The following KAZN variants were observed in gnomAD, a reference collection of about 807,000 sequenced individuals.
KAZN encodes the protein kazrin.
Under a neutral mutation model 87.4 loss-of-function variants are expected in KAZN, and 40 were observed. The ratio of observed to expected loss-of-function variants is 0.46; its 90% CI spans 0.36 to 0.60. The LOEUF (loss-of-function observed/expected upper bound fraction) is 0.60. Among genes scored for constraint, KAZN ranks in the 20% least tolerant of loss-of-function variants. KAZN has a pLI of 0.00. For synonymous variants in KAZN, 466 were observed against 458.3 expected (o/e 1.02, Z -0.22); for missense variants, 898 against 1,073.9 (o/e 0.84, Z 2.29).
At chr1:14,365,787 T>C (rs1300907430) in intron 2 of KAZN, among the ~76,000 whole-genome samples, 1 of 152,218 alleles carries the variant, frequency 6.6e-6, no homozygotes, top group Non-Finnish European at 1.5e-5. Flanking sequence ...AAATAATACT[T>C]TCTAGACTAA....
intron 2 of KAZN, among the ~76,000 whole-genome samples, chr1:14,397,861 C>CAAAAAAAA (rs761120479): frequency 2.5e-5 from 1 of 40,646 alleles, no homozygotes; most frequent in Non-Finnish European, 5.4e-5. Flanking sequence ...AACTCCATCT[C>CAAAAAAAA]AAAAAAAAAA....
intron 1 of KAZN, among the ~76,000 whole-genome samples, chr1:14,604,305 G>A (rs1677195322): frequency 6.6e-6 from 1 of 152,112 alleles, no homozygotes; most frequent in African/African-American, 2.4e-5. Flanking sequence ...AAGCCAACAG[G>A]GTGGCCATCC....
intron 2 of KAZN, among the ~76,000 whole-genome samples, chr1:14,259,824 G>C (rs1220508849): frequency 6.6e-6 from 1 of 152,170 alleles, no homozygotes; most frequent in East Asian, 1.9e-4. Flanking sequence ...TTTACTTTGT[G>C]ACAGTGACTT....
At chr1:14,156,512 G>A (rs1645596282) in intron 1 of KAZN, among the ~76,000 whole-genome samples, 1 of 152,068 alleles carries the variant, frequency 6.6e-6, no homozygotes, top group Admixed American at 6.6e-5. Flanking sequence ...ATATATCTGG[G>A]TCCTCCAGTG....
At chr1:13,992,851 C>T (rs1033229638) in intron 1 of KAZN, among the ~76,000 whole-genome samples, 5 of 152,064 alleles carry the variant, frequency 3.3e-5, no homozygotes, top group African/African-American at 1.2e-4. Flanking sequence ...TCAGAATTGG[C>T]CAAATGTGGT....
intron 1 of KAZN, among the ~76,000 whole-genome samples, chr1:14,857,537 A>ATAAG (rs1650280294): frequency 6.6e-6 from 1 of 151,746 alleles, no homozygotes; most frequent in African/African-American, 2.4e-5. Context: ...ACTCTCACAA[A>ATAAG]TAAATAAATA....
At chr1:14,662,742 G>C (rs1639264166) in intron 1 of KAZN, among the ~76,000 whole-genome samples, 1 of 151,448 alleles carries the variant, frequency 6.6e-6, no homozygotes, top group Non-Finnish European at 1.5e-5. Flanking sequence ...TTGGGGAAGG[G>C]AGGGAGGCAA....
At chr1:14,800,891 G>C (rs1213804647) in intron 1 of KAZN, among the ~76,000 whole-genome samples, 1 of 152,024 alleles carries the variant, frequency 6.6e-6, no homozygotes, top group Non-Finnish European at 1.5e-5. Flanking sequence ...GAGGGGAAGT[G>C]GGGAGTGACT....
At chr1:14,966,432 G>C (rs1664462583) in intron 2 of KAZN, among the ~76,000 whole-genome samples, 1 of 152,158 alleles carries the variant, frequency 6.6e-6, no homozygotes, top group African/African-American at 2.4e-5. Context: ...CGTCTGTCTA[G>C]TGTGATTGTT....
At chr1:14,354,010 C>T (rs1214745704) in intron 2 of KAZN, among the ~76,000 whole-genome samples, 2 of 152,124 alleles carry the variant, frequency 1.3e-5, no homozygotes, top group Non-Finnish European at 2.9e-5. Context: ...CTTTCTCTGA[C>T]TTAAAAACTA....
chr1:14,166,130 C>T (rs1645821778), intron 1 of KAZN, among the ~76,000 whole-genome samples: 1 of 152,122 alleles, frequency 6.6e-6, no homozygotes, highest in Admixed American at 6.5e-5. Context: ...GCCTGGCCAA[C>T]GTGGCAAAAC....
rs1434163592 is a variant in KAZN, at chr1:15,021,247, T to G, written c.419-13502T>G. Among the ~76,000 whole-genome samples, 1 of 152,172 alleles carries G rather than the reference T, an allele frequency of 6.6e-6. No homozygotes were observed. On this transcript the variant is annotated intron_variant, in intron 2 of 14. Coordinates refer to ENST00000376030, the MANE Select transcript of KAZN (RefSeq NM_201628.3). This position sits in a 1 kb window ranked among gnomAD's most constrained non-coding sequence, Gnocchi z 4.2. ...ACCGAGCCCAGGCCATTATCTTGCCTGCATACGACCTCACACACCCACACA... is the reference window on the plus strand; with the variant it reads ...ACCGAGCCCAGGCCATTATCTTGCCGGCATACGACCTCACACACCCACACA...
chr1:15,001,292 T>C (rs1449354796), intron 2 of KAZN, among the ~76,000 whole-genome samples: 1 of 142,986 alleles, frequency 7.0e-6, no homozygotes, highest in Non-Finnish European at 1.5e-5. Context: ...CGAAACCCCA[T>C]CTCTACTAAA....
intron 1 of KAZN, among the ~76,000 whole-genome samples, chr1:14,918,707 A>AATATATATATAT (rs201058383): frequency 1.3e-3 from 32 of 24,580 alleles, no homozygotes; most frequent in East Asian, 5.1e-3. Flanking sequence ...AAAAAAAAAA[A>AATATATATATAT]ATATATATAT....
At chr1:14,737,098 CT>C (rs1249903756) in intron 1 of KAZN, among the ~76,000 whole-genome samples, 1 of 152,160 alleles carries the variant, frequency 6.6e-6, no homozygotes. Context: ...AATGTGACAA[CT>C]TTAAGTTGGG....
At chr1:13,894,925 G>A (rs72871361) in intron 1 of KAZN, among the ~76,000 whole-genome samples, 3,585 of 152,256 alleles carry the variant, frequency 0.024, 155 homozygotes, top group African/African-American at 0.082. Flanking sequence ...TGAGGGCTCT[G>A]GAGCTGACTG....
In KAZN at chr1:14,307,984, T is replaced by G. The variant is rs542287475; in HGVS notation, c.249+127392T>G. ...CGCTGAGGATACAACATCATTCTGG[T>G]CTTCCTGCCAAAAATGTGTAACTTG... On this transcript the variant is annotated intron_variant, in intron 2 of 16. Coordinates refer to the KAZN transcript ENST00000636203. Among the ~76,000 whole-genome samples the G allele has an allele frequency of 5.3e-5, 8 of 152,336 alleles. No individual in the cohort carries two copies. In the South Asian group the frequency reaches 1.4e-3, roughly 28 times the overall value.
rs537179588 is a variant in KAZN, at chr1:14,654,427, G to A, written c.226+55204G>A. Among the ~76,000 whole-genome samples, 3 of 152,282 alleles carry A rather than the reference G, an allele frequency of 2.0e-5. No individual in the cohort carries two copies. In the South Asian group the frequency reaches 6.2e-4, roughly 32 times the overall value. ...GCCGCAGGTAGAGAACCCAGAAAGA[G>A]GTCCCTAAATCCCCCCGCTGCCTCT... On this transcript the variant is annotated intron_variant, in intron 1 of 14. Transcript: ENST00000376030.
At chr1:14,655,898 A>G (rs2148705782) in intron 1 of KAZN, among the ~76,000 whole-genome samples, 1 of 152,236 alleles carries the variant, frequency 6.6e-6, no homozygotes, top group East Asian at 1.9e-4. Context: ...CTGGGGGCTT[A>G]CATACAGTGG....
Sources: gnomAD v4.1 joint callset for allele counts (sites outside exome capture counted in the v4.1 genomes callset) on GRCh38, gnomAD v4.1.1 for gene constraint, Gnocchi (gnomAD v3.1) non-coding constraint, MANE v1.5 for transcripts, NCBI Gene and HGNC (gene_info 2026-07-23, HGNC 2026-07-21) for gene names.